WNK2: variants seen among roughly 807,000 people sequenced by gnomAD.
WNK2 encodes serine/threonine-protein kinase WNK2.
Under a neutral mutation model 192.1 loss-of-function variants are expected in WNK2, and 67 were observed. That is an observed-to-expected ratio of 0.35 (90% CI 0.29 to 0.43). The LOEUF is 0.43. Among genes scored for constraint, WNK2 ranks in the 20% least tolerant of loss-of-function variants. WNK2 has a pLI of 1.00. For synonymous variants in WNK2, 1,439 were observed against 1,393.9 expected (o/e 1.03, Z -0.72); for missense variants, 2,698 against 3,089.7 (o/e 0.87, Z 3.01).
At chr9:93,314,884 C>A (rs1854333657) in intron 28 of WNK2, among the ~76,000 whole-genome samples, 1 of 151,874 alleles carries the variant, frequency 6.6e-6, no homozygotes, top group Non-Finnish European at 1.5e-5. Context: ...TCTGGGGAGG[C>A]TTTCCCGGGG....
rs111885432 is a variant in WNK2 at position 93,314,446 on chromosome 9, G to GA, written c.6517-3062dup. Reference sequence around the variant, plus strand: ...CTGGCGACAGAGCAAGACCCTGTCTGAAAAAAAAAAAACAGCTGGGCATGG... The same window carrying GA: ...CTGGCGACAGAGCAAGACCCTGTCTGAAAAAAAAAAAAACAGCTGGGCATGG... On this transcript the variant is annotated intron_variant, in intron 28 of 29. Transcript: ENST00000427277. 5.4e-3 allele frequency among the ~76,000 whole-genome samples: 697 copies of GA among 129,920 alleles called. 7 individuals carry two copies. Among genetic ancestry groups the GA allele is most frequent in the Middle Eastern group, 0.016 (4 of 254 alleles). 85.2% of individuals were successfully genotyped at this position (129,920 alleles called of 152,430 possible).
intron 19 of WNK2, among the ~76,000 whole-genome samples, chr9:93,282,926 A>C (rs1564161706): frequency 6.6e-6 from 1 of 152,202 alleles, no homozygotes; most frequent in Non-Finnish European, 1.5e-5. Context: ...AGTTTCAAAG[A>C]ATCAAAATCA....
intron 2 of WNK2, among the ~76,000 whole-genome samples, chr9:93,196,868 T>C (rs1831368198): frequency 6.6e-6 from 1 of 152,132 alleles, no homozygotes; most frequent in Non-Finnish European, 1.5e-5. Flanking sequence ...TGTCAGTGTC[T>C]GTGTGTGCTA....
chr9:93,232,073 C>T (rs1838908995), intron 4 of WNK2, among the ~76,000 whole-genome samples: 1 of 152,170 alleles, frequency 6.6e-6, no homozygotes. Flanking sequence ...GGGAGAGGCT[C>T]CCCCATGTTA....
At position 93,254,809 on chromosome 9, in the gene WNK2, T is replaced by A. The variant is rs938020765; in HGVS notation, c.2035-1490T>A. Among the ~76,000 whole-genome samples, 35 of 148,606 alleles carry A rather than the reference T, an allele frequency of 2.4e-4. No homozygotes were observed. In the South Asian group the frequency reaches 4.1e-3, roughly 17 times the overall value. On this transcript the variant is annotated intron_variant, in intron 9 of 29. Coordinates refer to ENST00000427277, the MANE Select transcript of WNK2 (RefSeq NM_006648.4). ...CAAGACCCTGTCTCTACAACAAATT[T>A]AAAAAAAAAAGAAAAGAAAAGGCTA...
At chr9:93,238,376 C>T (rs2132237117) in intron 6 of WNK2, 55 bp downstream of exon 6, 1 of 1,524,814 alleles carries the variant, frequency 6.6e-7, no homozygotes, top group African/African-American at 1.4e-5. Context: ...GAACTCATTC[C>T]AGCTTGCATT....
chr9:93,206,999 G>C (rs1833513529), intron 2 of WNK2, among the ~76,000 whole-genome samples: 1 of 152,136 alleles, frequency 6.6e-6, no homozygotes, highest in Non-Finnish European at 1.5e-5. Context: ...ACAGCTCCCA[G>C]CTTGGAGGGG....
In WNK2 at chr9:93,239,871, G is replaced by C; in HGVS notation, c.1437G>C (p.Trp479Cys). 6.2e-7 allele frequency: 1 copy of C among 1,606,738 alleles called. No homozygotes were observed. ...GRKSTIALRL[W>C]VEDPKKLKGK... Reference sequence around the variant, plus strand: ...AGTCCACCATCGCCCTGAGGCTCTGGGTGGAAGACCCCAAGAAACTGAAGG... The same window carrying C: ...AGTCCACCATCGCCCTGAGGCTCTGCGTGGAAGACCCCAAGAAACTGAAGG... The change falls in exon 7 of 30, where the codon TGG becomes TGC. Residue 479 changes from tryptophan to cysteine, a missense_variant. Physicochemically the swap from Trp to Cys is radical, Grantham distance 215. Transcript: ENST00000427277. The surrounding 1 kb of genome is among the most constrained non-coding windows in gnomAD (Gnocchi z 4.2).
intron 2 of WNK2, among the ~76,000 whole-genome samples, chr9:93,203,383 G>A (rs979201046): frequency 5.3e-5 from 8 of 152,212 alleles, no homozygotes; most frequent in African/African-American, 1.9e-4. Context: ...CTGGGGAGGC[G>A]CCTGCTGAGT....
At position 93,220,165 on chromosome 9, in the gene WNK2, G is replaced by A. The variant is rs541392213; in HGVS notation, c.682-9531G>A. Reference sequence around the variant, plus strand: ...GGCAGGTGTACCACCCAGAGCCCACGAGGGTGTACACAGGGTGCATATTAC... The same window carrying A: ...GGCAGGTGTACCACCCAGAGCCCACAAGGGTGTACACAGGGTGCATATTAC... On this transcript the variant is annotated intron_variant, in intron 2 of 29. Coordinates refer to ENST00000427277, the MANE Select transcript of WNK2 (RefSeq NM_006648.4). Among the ~76,000 whole-genome samples, 19 of 152,310 alleles carry A rather than the reference G, an allele frequency of 1.2e-4. 1 individual carries two copies. The South Asian group carries it at 3.1e-3, about 25-fold the overall frequency.
chr9:93,199,899 C>CAAAAAAAAAAAAAAAAAAA lies in WNK2; in HGVS notation c.681+14301_681+14302insAAAAAAAAAAAAAAAAAAA, dbSNP rs59582411. Among the ~76,000 whole-genome samples the CAAAAAAAAAAAAAAAAAAA allele has an allele frequency of 2.1e-3, 227 of 107,608 alleles. 9 individuals are homozygous for CAAAAAAAAAAAAAAAAAAA. The highest frequency in any genetic ancestry group is 6.6e-3 in the African/African-American group (202 of 30,818). 70.6% of individuals were successfully genotyped at this position (107,608 alleles called of 152,430 possible). ...GGCGACAGAGCAAGACTCTTTGTCT[C>CAAAAAAAAAAAAAAAAAAA]AAAAAAAAAAAAGAAAACACAAAGC... On this transcript the variant is annotated intron_variant, in intron 2 of 29. Transcript: ENST00000427277.
At chr9:93,299,040 G>A (rs775822267) in intron 24 of WNK2, 30 bp from the exon 25 acceptor site, 31 of 1,595,094 alleles carry the variant, frequency 1.9e-5, no homozygotes, top group Non-Finnish European at 2.5e-5. Context: ...GCGCCTCATC[G>A]TGCCTGTCGC....
Position 93,297,913 on chromosome 9 carries a change from C to T in WNK2, c.5769C>T (p.Tyr1923=), listed in dbSNP as rs766899801. Residue 1923 remains tyrosine (Y), a synonymous_variant, in exon 24 of 30, where the codon TAC becomes TAT. Coordinates refer to ENST00000427277, the MANE Select transcript of WNK2 (RefSeq NM_006648.4). The part of the protein sequence containing the change: ...SQQKQEIEAL[Y]RRLGKPLPPN... The stretch of plus-strand genomic sequence containing the variant: ...AGAAGCAGGAGATCGAAGCTCTGTA[C>T]CGCCGCCTGGGCAAGCCACTGCCCC... 4.4e-6 allele frequency: 7 copies of T among 1,590,434 alleles called. No individual in the cohort carries two copies. Among genetic ancestry groups the T allele is most frequent in the South Asian group, 1.1e-5 (1 of 87,454 alleles).
intron 2 of WNK2, among the ~76,000 whole-genome samples, chr9:93,223,623 C>T (rs1338835762): frequency 6.6e-6 from 1 of 152,244 alleles, no homozygotes. Context: ...ACCAGCCATT[C>T]CTGTGCACTT....
chr9:93,234,510 A>T (rs1588084170), intron 4 of WNK2, among the ~76,000 whole-genome samples: 1 of 151,906 alleles, frequency 6.6e-6, no homozygotes, highest in South Asian at 2.1e-4. Flanking sequence ...CCAGGCTCGG[A>T]CCCCGTCCCC....
chr9:93,276,344 T>G (rs964692536), intron 19 of WNK2, among the ~76,000 whole-genome samples: 6 of 152,190 alleles, frequency 3.9e-5, no homozygotes, highest in African/African-American at 2.4e-5. Flanking sequence ...CAAGAAGAGA[T>G]AATCTTTTCA....
chr9:93,239,860 C>T lies in WNK2; in HGVS notation c.1426C>T (p.Leu476=). The change falls in exon 7 of 30, where the codon CTG becomes TTG. Residue 476 remains leucine (L), a synonymous_variant. Coordinates refer to ENST00000427277, the MANE Select transcript of WNK2 (RefSeq NM_006648.4). This position sits in a 1 kb window ranked among gnomAD's most constrained non-coding sequence, Gnocchi z 4.2. ...EDHGRKSTIA[L]RLWVEDPKKL... ...CCACGGCAGGAAGTCCACCATCGCC[C>T]TGAGGCTCTGGGTGGAAGACCCCAA... The T allele has an allele frequency of 6.2e-7, 1 of 1,603,628 alleles. No homozygotes were observed. The highest frequency in any genetic ancestry group is 8.5e-7 in the Non-Finnish European group (1 of 1,175,448).
intron 19 of WNK2, among the ~76,000 whole-genome samples, chr9:93,280,743 A>G (rs1209166775): frequency 1.3e-5 from 2 of 152,210 alleles, no homozygotes. Context: ...GGACAGCACT[A>G]TTCCTTGTCT....
intron 2 of WNK2, among the ~76,000 whole-genome samples, chr9:93,209,740 C>A (rs1357648930): frequency 6.6e-6 from 1 of 152,202 alleles, no homozygotes; most frequent in Non-Finnish European, 1.5e-5. Flanking sequence ...TCTCTGGGTG[C>A]CTCAAGGCAG....
Sources: gnomAD v4.1 joint callset for allele counts (sites outside exome capture counted in the v4.1 genomes callset) on GRCh38, gnomAD v4.1.1 for gene constraint, Gnocchi (gnomAD v3.1) non-coding constraint, MANE v1.5 for transcripts, NCBI Gene and HGNC (gene_info 2026-07-23, HGNC 2026-07-21) for gene names.